Variants in CAB39 observed in about 807,000 individuals in gnomAD.
The protein encoded by CAB39 is calcium binding protein 39.
In CAB39, 8 loss-of-function variants were observed where a neutral mutation model predicts 40.0. That is an observed-to-expected ratio of 0.20 (90% CI 0.12 to 0.36). CAB39 has a LOEUF of 0.36. Among genes scored for constraint, CAB39 ranks in the 10% least tolerant of loss-of-function variants. The probability of loss-of-function intolerance (pLI) is 1.00; values close to 1 mark genes in which losing one functional copy is unlikely to be tolerated. For synonymous variants in CAB39, 156 were observed against 141.6 expected (o/e 1.10, Z -0.72); for missense variants, 270 against 401.1 (o/e 0.67, Z 2.79).
At chr2:230,748,420 G>A (rs1353155924) in intron 1 of CAB39, among the ~76,000 whole-genome samples, 1 of 152,112 alleles carries the variant, frequency 6.6e-6, no homozygotes, top group South Asian at 2.1e-4. Context: ...CATGTAGTTA[G>A]CCTGCGTATC....
At chr2:230,718,082 T>C (rs6436971) in intron 1 of CAB39, among the ~76,000 whole-genome samples, 38,454 of 152,148 alleles carry the variant, frequency 0.25, 9,536 homozygotes, top group African/African-American at 0.65. Context: ...GTTTCAAAGA[T>C]GGGGAAAATC....
At chr2:230,811,726 A>C (rs1396279198) in intron 6 of CAB39, among the ~76,000 whole-genome samples, 1 of 152,252 alleles carries the variant, frequency 6.6e-6, no homozygotes, top group Non-Finnish European at 1.5e-5. Context: ...TGTGACGTGC[A>C]TGGCACAGTG....
chr2:230,745,473 G>A (rs997222213), intron 1 of CAB39, among the ~76,000 whole-genome samples: 1 of 152,196 alleles, frequency 6.6e-6, no homozygotes, highest in Non-Finnish European at 1.5e-5. Context: ...TTGCACTCCG[G>A]AGACTTGGTT....
chr2:230,732,096 G>T (rs1220520509), intron 1 of CAB39, among the ~76,000 whole-genome samples: 9 of 150,062 alleles, frequency 6.0e-5, no homozygotes, highest in African/African-American at 2.2e-4. Context: ...TTTTTTTGGC[G>T]GGGGAGGGGG....
At chr2:230,792,246 G>A (rs1448475216) in intron 3 of CAB39, among the ~76,000 whole-genome samples, 3 of 152,194 alleles carry the variant, frequency 2.0e-5, no homozygotes, top group African/African-American at 7.2e-5. Flanking sequence ...TGGGGATGTA[G>A]TGGAACATCT....
chr2:230,803,088 A>G lies in CAB39; in HGVS notation c.567+4191A>G, dbSNP rs554116489. On this transcript the variant is annotated intron_variant, in intron 5 of 8. Coordinates refer to ENST00000258418, the MANE Select transcript of CAB39 (RefSeq NM_016289.4). The stretch of plus-strand genomic sequence containing the variant: ...AAGTGGGCTTCATCCCTTCGATGCA[A>G]TGCTGGTTCAACATACGAAAATCAA... Among the ~76,000 whole-genome samples, 4 of 152,338 alleles carry G rather than the reference A, an allele frequency of 2.6e-5. No homozygotes were observed. In the East Asian group the frequency reaches 7.7e-4, roughly 29 times the overall value.
chr2:230,739,913 A>G (rs1694847696), intron 1 of CAB39, among the ~76,000 whole-genome samples: 2 of 152,238 alleles, frequency 1.3e-5, no homozygotes, highest in African/African-American at 4.8e-5. Flanking sequence ...TTGATTTTAA[A>G]TCTTCTACTA....
chr2:230,796,165 C>T (rs1695982847), intron 4 of CAB39, among the ~76,000 whole-genome samples: 5 of 152,256 alleles, frequency 3.3e-5, no homozygotes, highest in Admixed American at 2.6e-4. Context: ...CTTGAAGGAG[C>T]GCTGTGAACT....
At chr2:230,728,533 T>A (rs1218681799) in intron 1 of CAB39, among the ~76,000 whole-genome samples, 2 of 152,128 alleles carry the variant, frequency 1.3e-5, no homozygotes, top group Non-Finnish European at 2.9e-5. Context: ...ACGCCTGAGC[T>A]CAGAGCAATC....
intron 1 of CAB39, among the ~76,000 whole-genome samples, chr2:230,751,700 A>G (rs1228067004): frequency 6.6e-6 from 1 of 152,152 alleles, no homozygotes; most frequent in Non-Finnish European, 1.5e-5. Flanking sequence ...TAGAGCAGTG[A>G]TTTGATGTCT....
chr2:230,759,366 G>C (rs974519626), intron 1 of CAB39, among the ~76,000 whole-genome samples: 17 of 152,158 alleles, frequency 1.1e-4, no homozygotes, highest in African/African-American at 4.1e-4. Flanking sequence ...TAGATAGTAG[G>C]CTGTTGCTAG....
In CAB39 at chr2:230,746,736, AAATTTTCT is replaced by A. The variant is rs760737334; in HGVS notation, c.-43-13221_-43-13214del. Among the ~76,000 whole-genome samples the A allele has an allele frequency of 5.8e-4, 89 of 152,208 alleles. 1 individual carries two copies. The highest frequency in any genetic ancestry group is 9.9e-4 in the Non-Finnish European group (67 of 68,018). On this transcript the variant is annotated intron_variant, in intron 1 of 8. Coordinates refer to ENST00000258418, the MANE Select transcript of CAB39 (RefSeq NM_016289.4). The stretch of plus-strand genomic sequence containing the variant: ...TCCTTTCTGCATGGGTTTCAGGTGA[AAATTTTCT>A]AGTCAACTCTTGGTTATTTATGTAT...
At chr2:230,782,813 C>CTTTTTTTTTTTTTT (rs1212977897) in intron 2 of CAB39, among the ~76,000 whole-genome samples, 11 of 81,764 alleles carry the variant, frequency 1.3e-4, no homozygotes, top group African/African-American at 3.1e-4. Flanking sequence ...TTCTTTCTTT[C>CTTTTTTTTTTTTTT]TTTTTTTTTT....
intron 2 of CAB39, among the ~76,000 whole-genome samples, chr2:230,780,918 C>T (rs1695675518): frequency 6.6e-6 from 1 of 152,122 alleles, no homozygotes; most frequent in African/African-American, 2.4e-5. Flanking sequence ...CCCATTGCTA[C>T]AGAAAATTTA....
intron 2 of CAB39, among the ~76,000 whole-genome samples, chr2:230,778,143 T>G (rs1452351897): frequency 6.6e-6 from 1 of 152,238 alleles, no homozygotes; most frequent in Non-Finnish European, 1.5e-5. Flanking sequence ...TATGTTTGTC[T>G]TTAAGTGTGC....
At chr2:230,782,506 G>T (rs1362043700) in intron 2 of CAB39, among the ~76,000 whole-genome samples, 2 of 151,790 alleles carry the variant, frequency 1.3e-5, no homozygotes, top group Non-Finnish European at 2.9e-5. Context: ...AATGTGAATT[G>T]TGAGAAAAAA....
At chr2:230,783,422 A>C (rs145794770) in intron 2 of CAB39, among the ~76,000 whole-genome samples, 3 of 143,390 alleles carry the variant, frequency 2.1e-5, no homozygotes, top group Admixed American at 7.1e-5. Flanking sequence ...CCGTTCTTAG[A>C]GGGAAGTCTG....
chr2:230,727,007 G>C lies in CAB39; in HGVS notation c.-44+13777G>C, dbSNP rs73111539. ...GAGGCTTTTGTTATCATTGAGAAGAGGAAGGAATAATAAGAAATACGGAGA... is the reference window on the plus strand; with the variant it reads ...GAGGCTTTTGTTATCATTGAGAAGACGAAGGAATAATAAGAAATACGGAGA... On this transcript the variant is annotated intron_variant, in intron 1 of 8. Coordinates refer to ENST00000258418, the MANE Select transcript of CAB39 (RefSeq NM_016289.4). 5.6e-3 allele frequency among the ~76,000 whole-genome samples: 845 copies of C among 151,474 alleles called. 7 individuals are homozygous for C. The highest frequency in any genetic ancestry group is 0.019 in the African/African-American group (794 of 41,214).
At chr2:230,812,607 C>T (rs1488496556) in intron 6 of CAB39, among the ~76,000 whole-genome samples, 11 of 152,174 alleles carry the variant, frequency 7.2e-5, no homozygotes, top group Non-Finnish European at 1.2e-4. Flanking sequence ...TTGTTTTGAT[C>T]ATCAGTTTGA....
Sources: allele counts gnomAD v4.1 joint callset (sites outside exome capture counted in the v4.1 genomes callset), GRCh38; gene constraint gnomAD v4.1.1; transcripts MANE v1.5; gene names NCBI Gene and HGNC (gene_info 2026-07-23, HGNC 2026-07-21).